Variants in EGFLAM observed in about 807,000 individuals in gnomAD.
EGFLAM encodes the protein pikachurin.
Under a neutral mutation model 113.1 loss-of-function variants are expected in EGFLAM, and 79 were observed. That is an observed-to-expected ratio of 0.70 (90% CI 0.58 to 0.84). The LOEUF (loss-of-function observed/expected upper bound fraction) is 0.84. EGFLAM is among the 40% of genes least tolerant of loss of function. EGFLAM has a pLI of 0.00. For missense variants in EGFLAM, 1,265 were observed against 1,291.6 expected (o/e 0.98, Z 0.32); for synonymous variants, 504 against 487.6 (o/e 1.03, Z -0.44).
At chr5:38,441,382 C>A (rs1742527135) in intron 17 of EGFLAM, among the ~76,000 whole-genome samples, 1 of 152,124 alleles carries the variant, frequency 6.6e-6, no homozygotes, top group Admixed American at 6.5e-5. Flanking sequence ...TACCTAGGCC[C>A]CCTTTTTTCT....
intron 1 of EGFLAM, among the ~76,000 whole-genome samples, chr5:38,267,087 C>T (rs1445295267): frequency 6.6e-6 from 1 of 152,144 alleles, no homozygotes; most frequent in Non-Finnish European, 1.5e-5. Flanking sequence ...TTTCACCAAC[C>T]ACACCGAGCA....
In EGFLAM at chr5:38,417,950, A is replaced by G; in HGVS notation, c.1495-116A>G. The G allele has an allele frequency of 2.8e-6, 3 of 1,060,162 alleles. No homozygotes were observed. The South Asian group carries it at 5.0e-5, about 18-fold the overall frequency. 65.7% of individuals were successfully genotyped at this position (1,060,162 alleles called of 1,614,324 possible). ...GGTCTTAAAGATAAATACAGATGGAAGAAAATGCTGGGGCTGTCACTGACG... is the reference window on the plus strand; with the variant it reads ...GGTCTTAAAGATAAATACAGATGGAGGAAAATGCTGGGGCTGTCACTGACG... On this transcript the variant is annotated intron_variant, in intron 11 of 21. Coordinates refer to ENST00000322350, the MANE Select transcript of EGFLAM (RefSeq NM_152403.4).
intron 5 of EGFLAM, among the ~76,000 whole-genome samples, chr5:38,366,120 C>G (rs997745491): frequency 5.3e-5 from 8 of 152,170 alleles, no homozygotes; most frequent in Non-Finnish European, 7.3e-5. Flanking sequence ...CCTATCCTCA[C>G]TAAGTTTCCT....
At chr5:38,432,992 T>C (rs1742233676) in intron 15 of EGFLAM, among the ~76,000 whole-genome samples, 2 of 152,148 alleles carry the variant, frequency 1.3e-5, no homozygotes, top group Non-Finnish European at 2.9e-5. Context: ...CACAGGAAGG[T>C]GTGGCTTTGG....
intron 1 of EGFLAM, among the ~76,000 whole-genome samples, chr5:38,259,962 T>C (rs1426967011): frequency 1.3e-5 from 2 of 152,222 alleles, no homozygotes; most frequent in Non-Finnish European, 2.9e-5. Context: ...TTGTTGCATT[T>C]CGGCTCTGGA....
chr5:38,412,533 T>A lies in EGFLAM; in HGVS notation c.1379T>A (p.Ile460Asn). The A allele has an allele frequency of 1.9e-6, 3 of 1,614,144 alleles. No homozygotes were observed. The highest frequency in any genetic ancestry group is 1.7e-6 in the Non-Finnish European group (2 of 1,180,022). ...AATTGTGGAACTGGGGTTGCCATCA[T>A]CGTAAGTGAGACCAAAATCAAACTA... is the stretch of plus-strand genomic sequence containing the variant. ...RFNCGTGVAI[I>N]VSETKIKLGG... The change falls in exon 11 of 22, where the codon ATC becomes AAC. Residue 460 changes from isoleucine (I) to asparagine (N), a missense_variant. Transcript: ENST00000322350.
At chr5:38,266,612 T>C (rs961487228) in intron 1 of EGFLAM, among the ~76,000 whole-genome samples, 14 of 152,246 alleles carry the variant, frequency 9.2e-5, no homozygotes, top group Admixed American at 3.9e-4. Flanking sequence ...TTACATGTGA[T>C]GTAACTTGTA....
intron 20 of EGFLAM, chr5:38,461,030 A>G (rs1225402611): frequency 6.6e-6 from 1 of 152,224 alleles, no homozygotes; most frequent in African/African-American, 2.4e-5. Context: ...CATTTTATGG[A>G]TAAAAATGAT....
chr5:38,418,074 CA>C lies in EGFLAM; in HGVS notation c.1504del (p.Ser502ValfsTer39). On this transcript the variant is annotated frameshift_variant, in exon 12 of 22. Coordinates refer to ENST00000322350, the MANE Select transcript of EGFLAM (RefSeq NM_152403.4). LOFTEE classifies it high-confidence loss of function. ...GGTCATCTTTCTTAAAGGGCCAATA[CA>C]GTAAAATTACTTTCCGGACACCTCT... Reference protein sequence around the residue: ...PVTGQSQGQYSKITFRTPLYL... With the variant: ...PVTGQSQGQYXKITFRTPLYL... 1.2e-6 allele frequency: 2 copies of C among 1,613,548 alleles called. No homozygotes were observed. The highest frequency in any genetic ancestry group is 2.2e-5 in the South Asian group (2 of 90,992).
intron 11 of EGFLAM, 29 bp downstream of exon 11, chr5:38,412,677 C>G: frequency 9.9e-6 from 16 of 1,608,294 alleles, no homozygotes; most frequent in Non-Finnish European, 1.4e-5. Context: ...CCCTGCCCAC[C>G]CCACATACCA....
At chr5:38,365,249 C>T (rs1472511202) in intron 5 of EGFLAM, among the ~76,000 whole-genome samples, 2 of 152,148 alleles carry the variant, frequency 1.3e-5, no homozygotes, top group East Asian at 3.8e-4. Context: ...AAGAGAATAC[C>T]ACAGGCTCTC....
At chr5:38,384,505 A>G (rs1029290103) in intron 6 of EGFLAM, among the ~76,000 whole-genome samples, 2 of 152,010 alleles carry the variant, frequency 1.3e-5, no homozygotes, top group Admixed American at 6.6e-5. Context: ...TCCCTGAGCT[A>G]TTTCCTTATA....
chr5:38,372,300 G>A (rs947411221), intron 6 of EGFLAM, among the ~76,000 whole-genome samples: 5 of 152,042 alleles, frequency 3.3e-5, no homozygotes, highest in Non-Finnish European at 7.4e-5. Flanking sequence ...CCACCACCAT[G>A]CCTGGCTAAT....
At chr5:38,445,451 G>C (rs6875081) in intron 17 of EGFLAM, 3 of 1,403,846 alleles carry the variant, frequency 2.1e-6, no homozygotes, top group Non-Finnish European at 2.8e-6. Context: ...GCCGAGAAGA[G>C]GTGAGGAGGC....
chr5:38,331,577 T>C (rs2111926764), intron 1 of EGFLAM, among the ~76,000 whole-genome samples: 1 of 152,286 alleles, frequency 6.6e-6, no homozygotes, highest in South Asian at 2.1e-4. Flanking sequence ...AGACTATGGA[T>C]GAGGCTGTGC....
intron 6 of EGFLAM, among the ~76,000 whole-genome samples, chr5:38,375,616 A>G (rs1740346025): frequency 6.6e-6 from 1 of 152,234 alleles, no homozygotes; most frequent in Non-Finnish European, 1.5e-5. Flanking sequence ...TTCACTTCCC[A>G]CTGGGCCTAT....
intron 3 of EGFLAM, chr5:38,345,978 T>C (rs1739463233): frequency 6.6e-6 from 1 of 152,182 alleles, no homozygotes; most frequent in Non-Finnish European, 1.5e-5. Context: ...ATCACTGAAT[T>C]CAACACGTTT....
chr5:38,262,875 A>G (rs1200650410), intron 1 of EGFLAM, among the ~76,000 whole-genome samples: 1 of 152,188 alleles, frequency 6.6e-6, no homozygotes, highest in African/African-American at 2.4e-5. Context: ...CATGGCAGGT[A>G]TATGTTGAGC....
chr5:38,435,134 C>A lies in EGFLAM; in HGVS notation c.2167-3C>A. ...CAATGCTTTGTTTTTAATCTTTTGGCAGGGAGGCTTCACACAGATTAAGTG... is the reference window on the plus strand; with the variant it reads ...CAATGCTTTGTTTTTAATCTTTTGGAAGGGAGGCTTCACACAGATTAAGTG... On this transcript the variant is annotated splice_polypyrimidine_tract_variant and splice_region_variant and intron_variant, in intron 15 of 21. Transcript: ENST00000322350. The A allele has an allele frequency of 6.2e-7, 1 of 1,611,346 alleles. No homozygotes were observed. The highest frequency in any genetic ancestry group is 8.5e-7 in the Non-Finnish European group (1 of 1,177,612).
Sources: allele counts gnomAD v4.1 joint callset (sites outside exome capture counted in the v4.1 genomes callset), GRCh38; gene constraint gnomAD v4.1.1; transcripts MANE v1.5; gene names NCBI Gene and HGNC (gene_info 2026-07-23, HGNC 2026-07-21).